The following CALN1 variants were observed in gnomAD, a reference collection of about 807,000 sequenced individuals.
The protein encoded by CALN1 is calneuron 1.
In CALN1, 17 loss-of-function variants were observed where a neutral mutation model predicts 30.6. The ratio of observed to expected loss-of-function variants is 0.56; its 90% CI spans 0.38 to 0.83. The LOEUF is 0.83. CALN1 is among the 40% of genes least tolerant of loss of function. CALN1 has a pLI of 0.00. For synonymous variants in CALN1, 156 were observed against 131.4 expected (o/e 1.19, Z -1.28); for missense variants, 291 against 354.9 (o/e 0.82, Z 1.45).
upstream of CALN1, among the ~76,000 whole-genome samples, chr7:72,415,256 C>T (rs983929101): frequency 4.6e-5 from 7 of 152,256 alleles, no homozygotes; most frequent in African/African-American, 1.4e-4. Context: ...GTGGGAGCAC[C>T]TGGGTCTAAT....
In CALN1 at chr7:71,787,808, T is replaced by G. The variant is rs956959501; in HGVS notation, c.753A>C (p.Ala251=). The G allele has an allele frequency of 3.7e-6, 6 of 1,613,982 alleles. No individual in the cohort carries two copies. In the Admixed American group the frequency reaches 8.3e-5, roughly 22 times the overall value. The change falls in exon 7 of 7, where the codon GCA becomes GCC. Residue 251 remains alanine (A), a synonymous_variant. Coordinates refer to ENST00000395275, the MANE Select transcript of CALN1 (RefSeq NM_031468.4). ...TGCCGCTCCGGAGTATCTGGTTGGC[T>G]GCAATCAGCATGACACTGATGATGA... ...MAFIISVMLI[A]ANQILRSGME
chr7:72,082,187 C>T (rs1584904649), intron 4 of CALN1, among the ~76,000 whole-genome samples: 1 of 152,070 alleles, frequency 6.6e-6, no homozygotes, highest in Non-Finnish European at 1.5e-5. Flanking sequence ...GGTTTCACCA[C>T]GTTGGTCAGG....
Position 71,795,814 on chromosome 7 carries a change from C to CTTTTTTTT in CALN1, c.659-7920_659-7913dup, listed in dbSNP as rs55667543. 2.0e-3 allele frequency among the ~76,000 whole-genome samples: 199 copies of CTTTTTTTT among 98,550 alleles called. 4 individuals carry two copies. Among genetic ancestry groups the CTTTTTTTT allele is most frequent in the African/African-American group, 6.2e-3 (138 of 22,292 alleles). The allele number at this position is 98,550 out of a possible 152,430, so 64.7% of individuals were successfully genotyped here. A position where few individuals can be genotyped will look rare whatever the true frequency, so the allele number is the denominator to read the frequency against. On this transcript the variant is annotated intron_variant, in intron 6 of 6. Coordinates refer to ENST00000395275, the MANE Select transcript of CALN1 (RefSeq NM_031468.4). ...ATGTAGCATTTACCAGTACTTCATT[C>CTTTTTTTT]TTTTTTTTTTTTTTTTTTTTTTGAG... is the stretch of plus-strand genomic sequence containing the variant.
At chr7:72,413,112 CAT>C (rs1807280462), upstream of CALN1, among the ~76,000 whole-genome samples, 1 of 152,142 alleles carries the variant, frequency 6.6e-6, no homozygotes, top group South Asian at 2.1e-4. Flanking sequence ...CTGTTAGACA[CAT>C]ATGCACACAT....
intron 4 of CALN1, among the ~76,000 whole-genome samples, chr7:72,027,754 CACACAA>C (rs1294822064): frequency 6.7e-5 from 9 of 133,494 alleles, no homozygotes; most frequent in East Asian, 4.8e-4. Context: ...CACACACACA[CACACAA>C]AAACACATGA....
At chr7:72,403,179 G>C (rs968547985) in intron 2 of CALN1, 72 bp downstream of exon 2, 1 of 1,212,706 alleles carries the variant, frequency 8.2e-7, no homozygotes, top group Non-Finnish European at 1.2e-6. Context: ...AAGCCTCCTG[G>C]ACCCCGCGCC....
At chr7:71,993,333 G>C (rs988059676) in intron 5 of CALN1, among the ~76,000 whole-genome samples, 1 of 151,922 alleles carries the variant, frequency 6.6e-6, no homozygotes, top group Non-Finnish European at 1.5e-5. Context: ...TTAGTGGATG[G>C]TGTGTGCCTG....
chr7:71,839,829 GA>G (rs1489589935), intron 5 of CALN1, among the ~76,000 whole-genome samples: 1 of 152,152 alleles, frequency 6.6e-6, no homozygotes, highest in Non-Finnish European at 1.5e-5. Context: ...TCCCTTCCCT[GA>G]CCTAGCATCA....
intron 2 of CALN1, among the ~76,000 whole-genome samples, chr7:72,369,359 T>TTTTTTTTG (rs3030372): frequency 1.2e-3 from 180 of 146,712 alleles, no homozygotes; most frequent in Middle Eastern, 3.6e-3. Flanking sequence ...TATTTATTTT[T>TTTTTTTTG]TTGTTGTTGT....
intron 2 of CALN1, among the ~76,000 whole-genome samples, chr7:72,285,063 C>T (rs1797993757): frequency 6.6e-6 from 1 of 152,084 alleles, no homozygotes; most frequent in African/African-American, 2.4e-5. Context: ...CTATAGACCA[C>T]TGCAAATTGC....
intron 2 of CALN1, among the ~76,000 whole-genome samples, chr7:72,321,747 C>T (rs1208769973): frequency 2.0e-5 from 3 of 152,268 alleles, no homozygotes; most frequent in South Asian, 2.1e-4. Flanking sequence ...TGACTATACC[C>T]GCAGTCTTTC....
intron 1 of CALN1, among the ~76,000 whole-genome samples, chr7:72,411,847 G>GATT (rs1242825032): frequency 6.6e-6 from 1 of 152,162 alleles, no homozygotes; most frequent in African/African-American, 2.4e-5. Context: ...TTTCCATACA[G>GATT]ATTATATTCC....
intron 5 of CALN1, among the ~76,000 whole-genome samples, chr7:71,934,568 T>A (rs1407808370): frequency 6.6e-6 from 1 of 152,134 alleles, no homozygotes; most frequent in Non-Finnish European, 1.5e-5. Context: ...AGGCTCTTTT[T>A]AAGCAACCAG....
intron 5 of CALN1, among the ~76,000 whole-genome samples, chr7:71,862,828 C>T (rs1791369120): frequency 2.0e-5 from 3 of 152,168 alleles, no homozygotes; most frequent in African/African-American, 4.8e-5. Context: ...TAACAATCTA[C>T]TAGTGGGCAG....
At chr7:71,985,692 C>T (rs746927966) in intron 5 of CALN1, among the ~76,000 whole-genome samples, 19 of 147,270 alleles carry the variant, frequency 1.3e-4, no homozygotes, top group African/African-American at 3.3e-4. Context: ...CAGGTTCAAG[C>T]GATTCTCCTG....
intron 3 of CALN1, among the ~76,000 whole-genome samples, chr7:72,179,652 G>A (rs1042738620): frequency 9.2e-5 from 14 of 152,150 alleles, no homozygotes; most frequent in African/African-American, 3.1e-4. Flanking sequence ...TGCTCAAAAT[G>A]ACAGATAACT....
chr7:71,823,143 T>C (rs900668960), intron 5 of CALN1, among the ~76,000 whole-genome samples: 1 of 152,080 alleles, frequency 6.6e-6, no homozygotes. Context: ...CTCAAAGTTG[T>C]TGAAGCTTCT....
At chr7:72,341,779 G>A (rs148531784) in intron 2 of CALN1, among the ~76,000 whole-genome samples, 17 of 152,304 alleles carry the variant, frequency 1.1e-4, no homozygotes, top group African/African-American at 4.1e-4. Context: ...AATTAAATGT[G>A]ACTATGTGAA....
rs982139526 is a variant in CALN1, at chr7:71,919,577, C to A, written c.501+104080G>T. Among the ~76,000 whole-genome samples the A allele has an allele frequency of 7.2e-5, 11 of 152,156 alleles. 1 individual carries two copies. Among genetic ancestry groups the A allele is most frequent in the Admixed American group, 6.5e-4 (10 of 15,272 alleles). ...CAATTTTAAGTGATAGTAGCTATAA[C>A]AGAACAATGTACAAGAGACACTGTG... On this transcript the variant is annotated intron_variant, in intron 5 of 6. Coordinates refer to ENST00000395275, the MANE Select transcript of CALN1 (RefSeq NM_031468.4).
Sources: allele counts gnomAD v4.1 joint callset (sites outside exome capture counted in the v4.1 genomes callset), GRCh38; gene constraint gnomAD v4.1.1; transcripts MANE v1.5; gene names NCBI Gene and HGNC (gene_info 2026-07-23, HGNC 2026-07-21).